Variants in AMZ1 observed in about 807,000 individuals in gnomAD.
The protein encoded by AMZ1 is archaemetzincin-1.
AMZ1 carries 39 observed loss-of-function variants against 29.9 expected under a neutral mutation model. The ratio of observed to expected loss-of-function variants is 1.30; its 90% CI spans 1.01 to 1.70. The LOEUF is 1.70. Ranked by LOEUF, AMZ1 falls within the 40% of genes most tolerant of loss-of-function variation. AMZ1 has a pLI of 0.00. For missense variants in AMZ1, 1,041 were observed against 680.6 expected, an observed-to-expected ratio of 1.53 and a Z score of -5.89; for synonymous variants, 458 against 304.0, an observed-to-expected ratio of 1.51 and a Z score of -5.27.
chr7:2,681,431 T>A (rs1032390227), intron 1 of AMZ1, among the ~76,000 whole-genome samples: 12 of 152,054 alleles, frequency 7.9e-5, no homozygotes, highest in East Asian at 1.9e-4. Context: ...AATTTTTTTT[T>A]AATTTTTGTA....
upstream of AMZ1, among the ~76,000 whole-genome samples, chr7:2,684,378 T>C (rs1311737304): frequency 6.6e-6 from 1 of 152,102 alleles, no homozygotes; most frequent in African/African-American, 2.4e-5. Flanking sequence ...ATGGTGCAAG[T>C]AGGCACATTT....
At chr7:2,763,043 C>T (rs895979222), upstream of AMZ1, 1 of 1,248,142 alleles carries the variant, frequency 8.0e-7, no homozygotes, top group Non-Finnish European at 1.0e-6. Flanking sequence ...CTCAGCGTGC[C>T]GTTCCTCCAG....
chr7:2,762,856 A>G (rs929106394), upstream of AMZ1: 114 of 1,478,038 alleles, frequency 7.7e-5, no homozygotes, highest in Non-Finnish European at 1.0e-4. Context: ...GAAGCAGGAG[A>G]GGGCCAGCTC....
At chr7:2,700,794 A>T in intron 2 of AMZ1, 39 bp downstream of exon 2, 1 of 1,597,562 alleles carries the variant, frequency 6.3e-7, no homozygotes, top group Non-Finnish European at 8.5e-7. Flanking sequence ...CTCCTGGGGG[A>T]CCAGCTTATA....
chr7:2,732,899 A>G (rs1041660094), intron 4 of AMZ1, among the ~76,000 whole-genome samples: 1 of 152,246 alleles, frequency 6.6e-6, no homozygotes, highest in Non-Finnish European at 1.5e-5. Context: ...AAACTCTGCT[A>G]AAACAAAGCA....
At chr7:2,712,018 G>T (rs1430084828) in intron 6 of AMZ1, among the ~76,000 whole-genome samples, 1 of 151,942 alleles carries the variant, frequency 6.6e-6, no homozygotes, top group African/African-American at 2.4e-5. Context: ...CTGCACTCCA[G>T]CCTGGCCAAC....
rs1445024376 is a variant in AMZ1 at position 2,709,199 on chromosome 7, C to T, written c.726C>T (p.Gly242=). Residue 242 remains glycine, a synonymous_variant, in exon 5 of 7, where the codon GGC becomes GGT. Transcript: ENST00000683327. ...CCGAGGCCCCCCTGCAGGACAGGGG[C>T]TGGGCCCTGTGCTTCAGTGCCCTGG... is the stretch of plus-strand genomic sequence containing the variant. ...DGPEAPLQDR[G]WALCFSALGM... 8 of 1,522,100 alleles carry T rather than the reference C, an allele frequency of 5.3e-6. No individual in the cohort carries two copies. The African/African-American group carries it at 9.8e-5, about 19-fold the overall frequency. The allele number at this position is 1,522,100 out of a possible 1,614,324, so 94.3% of individuals were successfully genotyped here.
Position 2,718,981 on chromosome 7 carries a change from A to G in AMZ1, c.*6103A>G, listed in dbSNP as rs1486383229. On this transcript the variant is annotated 3_prime_UTR_variant, in exon 7 of 7. Transcript: ENST00000683327. The stretch of plus-strand genomic sequence containing the variant: ...CCAAATGTATGAGCAGGAAGGAAAG[A>G]GGGAGGGAAGCTGCAAGAACAGGCG... Among the ~76,000 whole-genome samples the G allele has an allele frequency of 2.0e-5, 3 of 147,868 alleles. No individual in the cohort carries two copies. Among genetic ancestry groups the G allele is most frequent in the Admixed American group, 6.7e-5 (1 of 14,948 alleles).
At chr7:2,692,268 T>C (rs143634016) in intron 1 of AMZ1, among the ~76,000 whole-genome samples, 5,215 of 152,002 alleles carry the variant, frequency 0.034, 111 homozygotes, top group Non-Finnish European at 0.045. Flanking sequence ...TGGCCGGGCG[T>C]GGTGGCTCAC....
At chr7:2,704,538 G>A (rs958918250) in intron 3 of AMZ1, among the ~76,000 whole-genome samples, 10 of 141,498 alleles carry the variant, frequency 7.1e-5, no homozygotes, top group Admixed American at 7.2e-5. Context: ...TGTCATGTTT[G>A]TGAGTTCTAC....
chr7:2,748,715 G>C (rs1790884399), intron 4 of AMZ1, among the ~76,000 whole-genome samples: 1 of 152,208 alleles, frequency 6.6e-6, no homozygotes, highest in Non-Finnish European at 1.5e-5. Context: ...CCATCAGCAT[G>C]AACAGGCAAC....
chr7:2,742,536 G>A (rs1242052953), intron 4 of AMZ1, among the ~76,000 whole-genome samples: 1 of 152,196 alleles, frequency 6.6e-6, no homozygotes, highest in East Asian at 1.9e-4. Flanking sequence ...TCCAGGGGCT[G>A]TAATTCATCT....
chr7:2,694,356 T>TGAGTTTG (rs1372280637), intron 1 of AMZ1, among the ~76,000 whole-genome samples: 1 of 152,216 alleles, frequency 6.6e-6, no homozygotes, highest in Non-Finnish European at 1.5e-5. Flanking sequence ...GGACATGAGC[T>TGAGTTTG]GAGTTTGAAT....
chr7:2,712,020 C>G (rs572172341), intron 6 of AMZ1, among the ~76,000 whole-genome samples: 1 of 151,910 alleles, frequency 6.6e-6, no homozygotes, highest in Admixed American at 6.6e-5. Flanking sequence ...GCACTCCAGC[C>G]TGGCCAACAG....
downstream of AMZ1, among the ~76,000 whole-genome samples, chr7:2,721,888 G>A (rs1016664535): frequency 3.3e-4 from 50 of 152,196 alleles, no homozygotes; most frequent in African/African-American, 1.2e-3. Flanking sequence ...ACTAACCACC[G>A]TGGCTATAAC....
rs1051600150 is a variant in AMZ1, at chr7:2,731,839, G to A, written n.550+22023G>A. 5.8e-6 allele frequency: 4 copies of A among 683,988 alleles called. No individual in the cohort carries two copies. Among genetic ancestry groups the A allele is most frequent in the African/African-American group, 3.6e-5 (2 of 56,228 alleles). 42.4% of individuals were successfully genotyped at this position (683,988 alleles called of 1,614,324 possible). A position where few individuals can be genotyped will look rare whatever the true frequency, so the allele number is the denominator to read the frequency against. On this transcript the variant is annotated intron_variant and non_coding_transcript_variant, in intron 4 of 4. Transcript: ENST00000489665. This position sits in a 1 kb window ranked among gnomAD's most constrained non-coding sequence, Gnocchi z 6.0. ...AAAAAGATGGCAAAAAGATAAGAAG[G>A]AAAGAGACTGACTTTTGCAACAGGT... is the stretch of plus-strand genomic sequence containing the variant.
At chr7:2,720,825 T>C (rs1789388487), downstream of AMZ1, among the ~76,000 whole-genome samples, 1 of 151,994 alleles carries the variant, frequency 6.6e-6, no homozygotes, top group South Asian at 2.1e-4. Context: ...CAGGTGTGTA[T>C]CTCTACACTG....
chr7:2,749,639 T>G (rs798504), intron 4 of AMZ1, among the ~76,000 whole-genome samples: 82,031 of 151,658 alleles, frequency 0.54, 22,848 homozygotes, highest in Non-Finnish European at 0.62. Context: ...TGTGCACATG[T>G]ACCCTAGAAC....
chr7:2,759,140 AAAATAAATAAAT>A (rs3074427), intron 4 of AMZ1, among the ~76,000 whole-genome samples: 3,751 of 144,744 alleles, frequency 0.026, 99 homozygotes, highest in Middle Eastern at 0.085. Context: ...ACACTGTCTC[AAAATAAATAAAT>A]AAATAAATAA....
Sources: gnomAD v4.1 joint callset for allele counts (sites outside exome capture counted in the v4.1 genomes callset) on GRCh38, gnomAD v4.1.1 for gene constraint, Gnocchi (gnomAD v3.1) non-coding constraint, MANE v1.5 for transcripts, NCBI Gene and HGNC (gene_info 2026-07-23, HGNC 2026-07-21) for gene names.